CCSER1: variants seen among roughly 807,000 people sequenced by gnomAD.
CCSER1 encodes the protein serine-rich coiled-coil domain-containing protein 1.
CCSER1 carries 41 observed loss-of-function variants against 82.0 expected under a neutral mutation model. That is an observed-to-expected ratio of 0.50 (90% CI 0.39 to 0.65). The LOEUF is 0.65. Among genes scored for constraint, CCSER1 ranks in the 30% least tolerant of loss-of-function variants. The pLI is 0.00. For missense variants in CCSER1, 1,119 were observed against 1,064.2 expected (o/e 1.05, Z -0.72); for synonymous variants, 414 against 383.9 (o/e 1.08, Z -0.92).
At chr4:90,490,336 G>A (rs1036624342) in intron 5 of CCSER1, among the ~76,000 whole-genome samples, 10 of 152,080 alleles carry the variant, frequency 6.6e-5, no homozygotes, top group Non-Finnish European at 1.5e-4. Context: ...AGAAGTGTCT[G>A]TTCATATCCT....
chr4:91,178,176 C>G (rs1171796072), intron 10 of CCSER1, among the ~76,000 whole-genome samples: 1 of 152,104 alleles, frequency 6.6e-6, no homozygotes, highest in Non-Finnish European at 1.5e-5. Flanking sequence ...GTCTCAGACA[C>G]AATTTGTTAT....
At chr4:90,433,241 T>C (rs1042513379) in intron 4 of CCSER1, among the ~76,000 whole-genome samples, 3 of 152,102 alleles carry the variant, frequency 2.0e-5, no homozygotes, top group African/African-American at 7.2e-5. Context: ...TCTCAACAAC[T>C]ATTAAGTCTA....
intron 4 of CCSER1, among the ~76,000 whole-genome samples, chr4:90,447,745 A>G (rs2153576417): frequency 6.6e-6 from 1 of 152,330 alleles, no homozygotes; most frequent in South Asian, 2.1e-4. Context: ...TTGGGCTGAT[A>G]GGTGAAACAA....
rs183127616 is a variant in CCSER1 at position 90,362,711 on chromosome 4, C to T, written c.1510-37325C>T. 2.7e-3 allele frequency among the ~76,000 whole-genome samples: 414 copies of T among 152,250 alleles called. 3 individuals are homozygous for T. The highest frequency in any genetic ancestry group is 9.4e-3 in the African/African-American group (389 of 41,560). ...GCAGAGAGGCTACCATAGCCACAGA[C>T]GTCCCTCTGTGTTTTTGATCCTCAG... On this transcript the variant is annotated intron_variant, in intron 3 of 10. Transcript: ENST00000509176.
chr4:91,126,411 C>T (rs1290087712), intron 10 of CCSER1, among the ~76,000 whole-genome samples: 1 of 151,810 alleles, frequency 6.6e-6, no homozygotes, highest in Non-Finnish European at 1.5e-5. Context: ...GTAATACAGG[C>T]TCATAATATA....
chr4:91,093,984 C>G (rs562720648), intron 10 of CCSER1, among the ~76,000 whole-genome samples: 1 of 152,284 alleles, frequency 6.6e-6, no homozygotes, highest in South Asian at 2.1e-4. Context: ...CTTTCTGACC[C>G]CAGGCTGTGC....
intron 7 of CCSER1, among the ~76,000 whole-genome samples, chr4:90,815,379 G>A (rs1033027971): frequency 1.3e-5 from 2 of 152,070 alleles, no homozygotes; most frequent in African/African-American, 4.8e-5. Context: ...TAAATGTAGA[G>A]TTATTTCTGT....
At chr4:91,214,603 T>C (rs939505631) in intron 10 of CCSER1, among the ~76,000 whole-genome samples, 1 of 152,204 alleles carries the variant, frequency 6.6e-6, no homozygotes, top group Non-Finnish European at 1.5e-5. Context: ...TTCTTGTTCA[T>C]GTTGAAACAA....
intron 10 of CCSER1, among the ~76,000 whole-genome samples, chr4:91,364,461 A>G (rs557431162): frequency 6.6e-5 from 10 of 152,200 alleles, no homozygotes; most frequent in African/African-American, 2.4e-4. Flanking sequence ...TTATTAGCAC[A>G]TGAGCGTTTC....
intron 5 of CCSER1, among the ~76,000 whole-genome samples, chr4:90,470,757 CA>C (rs1435706536): frequency 6.5e-5 from 2 of 30,906 alleles, no homozygotes; most frequent in African/African-American, 5.4e-4. Context: ...TCCTTTTAAT[CA>C]AAGCAAAAAA....
At chr4:90,688,593 A>G (rs1394597218) in intron 6 of CCSER1, among the ~76,000 whole-genome samples, 3 of 152,090 alleles carry the variant, frequency 2.0e-5, no homozygotes, top group Admixed American at 1.3e-4. Context: ...AAGACCCACT[A>G]ATTTTTCAAG....
At chr4:91,495,126 A>T (rs1227841982) in intron 10 of CCSER1, among the ~76,000 whole-genome samples, 1 of 151,698 alleles carries the variant, frequency 6.6e-6, no homozygotes, top group Non-Finnish European at 1.5e-5. Flanking sequence ...TAACTTGTGT[A>T]CTTTAAGTTC....
At chr4:90,705,796 G>C (rs1435733699) in intron 6 of CCSER1, among the ~76,000 whole-genome samples, 1 of 152,204 alleles carries the variant, frequency 6.6e-6, no homozygotes, top group Non-Finnish European at 1.5e-5. Flanking sequence ...TAATCTCCTG[G>C]TGTGCTGTTT....
At chr4:91,500,958 T>C (rs1759176715) in intron 10 of CCSER1, among the ~76,000 whole-genome samples, 1 of 151,944 alleles carries the variant, frequency 6.6e-6, no homozygotes, top group Admixed American at 6.6e-5. Flanking sequence ...ATTGTGAAAT[T>C]CATTACATTT....
At chr4:90,952,988 T>C (rs574300217) in intron 9 of CCSER1, among the ~76,000 whole-genome samples, 1 of 152,210 alleles carries the variant, frequency 6.6e-6, no homozygotes, top group East Asian at 1.9e-4. Flanking sequence ...TGCTTTAATA[T>C]TGTCCGTCTT....
At chr4:91,271,842 C>T (rs1213384170) in intron 10 of CCSER1, among the ~76,000 whole-genome samples, 3 of 152,088 alleles carry the variant, frequency 2.0e-5, no homozygotes, top group African/African-American at 7.2e-5. Context: ...GCAACCTCTG[C>T]CTCCTGGGTT....
At chr4:90,629,031 A>T (rs774078361) in intron 6 of CCSER1, among the ~76,000 whole-genome samples, 8 of 152,112 alleles carry the variant, frequency 5.3e-5, no homozygotes, top group Non-Finnish European at 8.8e-5. Context: ...ATCCTATTAT[A>T]TTTAAGTAGA....
intron 1 of CCSER1, among the ~76,000 whole-genome samples, chr4:90,157,787 C>T (rs970733987): frequency 2.0e-5 from 3 of 152,050 alleles, no homozygotes; most frequent in African/African-American, 4.8e-5. Context: ...AAATTTTTTT[C>T]GAAGTTTTTA....
At chr4:91,474,812 T>TACACAC (rs67642697) in intron 10 of CCSER1, among the ~76,000 whole-genome samples, 2 of 66,108 alleles carry the variant, frequency 3.0e-5, no homozygotes, top group South Asian at 7.5e-4. Flanking sequence ...TATATATATA[T>TACACAC]ACACACACAC....
Sources: allele counts gnomAD v4.1 joint callset (sites outside exome capture counted in the v4.1 genomes callset), GRCh38; gene constraint gnomAD v4.1.1; transcripts MANE v1.5; gene names NCBI Gene and HGNC (gene_info 2026-07-23, HGNC 2026-07-21).